Variants in APBB2 observed in about 807,000 individuals in gnomAD.
The protein encoded by APBB2 is Fe65-like 1.
In APBB2, 38 loss-of-function variants were observed where a neutral mutation model predicts 82.5. The ratio of observed to expected loss-of-function variants is 0.46; its 90% CI spans 0.36 to 0.60. APBB2 has a LOEUF of 0.60. Ranked by LOEUF, APBB2 falls within the 20% of genes least tolerant of loss-of-function variation. APBB2 has a pLI of 0.00. For missense variants in APBB2, 772 were observed against 972.3 expected (o/e 0.79, Z 2.74); for synonymous variants, 341 against 368.2 (o/e 0.93, Z 0.85).
chr4:40,984,102 T>C (rs948699620), intron 6 of APBB2, among the ~76,000 whole-genome samples: 1 of 152,192 alleles, frequency 6.6e-6, no homozygotes. Flanking sequence ...AGTGCACAAC[T>C]ACCTGTGCAA....
chr4:41,134,182 A>G (rs966781323), intron 2 of APBB2, among the ~76,000 whole-genome samples: 1 of 151,990 alleles, frequency 6.6e-6, no homozygotes, highest in Non-Finnish European at 1.5e-5. Flanking sequence ...AGGTTGTCCT[A>G]TGTTATCCAG....
chr4:40,843,971 T>C (rs1756743169), intron 12 of APBB2, among the ~76,000 whole-genome samples: 1 of 152,228 alleles, frequency 6.6e-6, no homozygotes, highest in Non-Finnish European at 1.5e-5. Flanking sequence ...CCCTAATGGT[T>C]TGTCTCCTAA....
At chr4:41,088,058 T>C (rs147934994) in intron 3 of APBB2, among the ~76,000 whole-genome samples, 2 of 152,324 alleles carry the variant, frequency 1.3e-5, no homozygotes, top group Non-Finnish European at 2.9e-5. Flanking sequence ...GGAGTTATTA[T>C]AGATATATAG....
At chr4:41,124,143 T>C (rs1753707382) in intron 2 of APBB2, among the ~76,000 whole-genome samples, 1 of 152,224 alleles carries the variant, frequency 6.6e-6, no homozygotes. Context: ...AACAATGAAA[T>C]ACAAATTTCT....
intron 7 of APBB2, among the ~76,000 whole-genome samples, chr4:40,938,255 C>G (rs1234615674): frequency 6.6e-6 from 1 of 152,180 alleles, no homozygotes; most frequent in Admixed American, 6.5e-5. Flanking sequence ...GCTGCAACCT[C>G]CCTTTCTCTG....
chr4:40,943,485 A>G (rs879272139), intron 7 of APBB2, among the ~76,000 whole-genome samples: 1 of 152,232 alleles, frequency 6.6e-6, no homozygotes, highest in Non-Finnish European at 1.5e-5. Flanking sequence ...TGGCCGGCTC[A>G]GCTTCTAGGA....
chr4:41,089,564 C>T (rs1239209475), intron 3 of APBB2, among the ~76,000 whole-genome samples: 1 of 152,068 alleles, frequency 6.6e-6, no homozygotes, highest in Non-Finnish European at 1.5e-5. Flanking sequence ...TCATGTTTAT[C>T]CTAGATTCAG....
At chr4:40,913,103 G>A (rs886154344) in intron 10 of APBB2, among the ~76,000 whole-genome samples, 2 of 152,092 alleles carry the variant, frequency 1.3e-5, no homozygotes, top group Non-Finnish European at 1.5e-5. Flanking sequence ...ATTGCATTTC[G>A]CTGGGAAATG....
At chr4:41,049,348 G>C (rs1166481920) in intron 4 of APBB2, among the ~76,000 whole-genome samples, 2 of 148,596 alleles carry the variant, frequency 1.3e-5, no homozygotes, top group Admixed American at 6.6e-5. Flanking sequence ...GTCTCCGACC[G>C]GCAGCCGCCC....
At chr4:41,202,357 TC>T (rs751192963) in intron 1 of APBB2, among the ~76,000 whole-genome samples, 1 of 152,196 alleles carries the variant, frequency 6.6e-6, no homozygotes, top group Non-Finnish European at 1.5e-5. Flanking sequence ...ATATGCCAGT[TC>T]TCTTTTGTTC....
intron 3 of APBB2, among the ~76,000 whole-genome samples, chr4:41,096,991 G>GTT (rs1743702940): frequency 6.6e-6 from 1 of 152,152 alleles, no homozygotes; most frequent in African/African-American, 2.4e-5. Context: ...GCACACAAAG[G>GTT]TTTATAAAAC....
intron 13 of APBB2, 29 bp from the exon 14 acceptor site, chr4:40,827,248 C>T (rs767906099): frequency 8.7e-6 from 14 of 1,604,984 alleles, no homozygotes; most frequent in South Asian, 6.6e-5. Flanking sequence ...AGCTTTGGAG[C>T]GTGGGTTCAA....
At chr4:40,869,630 C>T (rs932928971) in intron 12 of APBB2, among the ~76,000 whole-genome samples, 14 of 151,832 alleles carry the variant, frequency 9.2e-5, no homozygotes, top group African/African-American at 3.1e-4. Context: ...AGGCAAATGT[C>T]TAAAGGGACC....
intron 10 of APBB2, among the ~76,000 whole-genome samples, chr4:40,911,680 A>G (rs767122951): frequency 2.0e-5 from 3 of 152,140 alleles, no homozygotes; most frequent in Non-Finnish European, 4.4e-5. Context: ...CCCATATCCA[A>G]GGGTCCTGGG....
intron 12 of APBB2, among the ~76,000 whole-genome samples, chr4:40,883,140 A>G (rs1769145058): frequency 6.6e-6 from 1 of 152,190 alleles, no homozygotes; most frequent in Non-Finnish European, 1.5e-5. Flanking sequence ...CATGAGAACT[A>G]ACCTCTGGCA....
chr4:40,846,285 C>T (rs940746562), intron 12 of APBB2, among the ~76,000 whole-genome samples: 1 of 147,166 alleles, frequency 6.8e-6, no homozygotes, highest in Non-Finnish European at 1.5e-5. Flanking sequence ...AGGAAAGGTT[C>T]CTGACCTGTT....
intron 12 of APBB2, among the ~76,000 whole-genome samples, chr4:40,849,725 C>CTTTTTTTTTTTTTT (rs758207803): frequency 8.1e-6 from 1 of 123,252 alleles, no homozygotes; most frequent in African/African-American, 3.1e-5. Context: ...ACTAAAGTTA[C>CTTTTTTTTTTTTTT]TTTTTTTTTT....
intron 6 of APBB2, among the ~76,000 whole-genome samples, chr4:41,006,979 C>A (rs1806945315): frequency 6.6e-6 from 1 of 152,210 alleles, no homozygotes; most frequent in Admixed American, 6.5e-5. Flanking sequence ...CTCTCGCTCT[C>A]ATCAACTATG....
At chr4:40,907,379 A>ATAT (rs1491382228) in intron 10 of APBB2, among the ~76,000 whole-genome samples, 21 of 37,396 alleles carry the variant, frequency 5.6e-4, no homozygotes, top group Non-Finnish European at 2.8e-4. Context: ...ATATATATAT[A>ATAT]TTTTTTTTTT....
Sources: allele counts gnomAD v4.1 joint callset (sites outside exome capture counted in the v4.1 genomes callset), GRCh38; gene constraint gnomAD v4.1.1; transcripts MANE v1.5; gene names NCBI Gene and HGNC (gene_info 2026-07-23, HGNC 2026-07-21).